The following GTSF1 variants were observed in gnomAD, a reference collection of about 807,000 sequenced individuals.
GTSF1 encodes the protein gametocyte-specific factor 1.
Under a neutral mutation model 28.9 loss-of-function variants are expected in GTSF1, and 11 were observed. The ratio of observed to expected loss-of-function variants is 0.38; its 90% CI spans 0.24 to 0.63. The LOEUF (loss-of-function observed/expected upper bound fraction) is 0.63. Among genes scored for constraint, GTSF1 ranks in the 30% least tolerant of loss-of-function variants. The pLI is 0.56. For missense variants in GTSF1, 146 were observed against 201.0 expected (o/e 0.73, Z 1.66); for synonymous variants, 69 against 65.6 (o/e 1.05, Z -0.25).
intron 8 of GTSF1, among the ~76,000 whole-genome samples, chr12:54,456,444 T>G (rs976998088): frequency 5.9e-5 from 9 of 152,364 alleles, no homozygotes; most frequent in Non-Finnish European, 8.8e-5. Context: ...AATTGATTCA[T>G]TCATGCAATT....
rs1956403042 is a variant in GTSF1 at position 54,460,362 on chromosome 12, C to T, written c.487+15G>A. On this transcript the variant is annotated intron_variant, in intron 7 of 8. Transcript: ENST00000305879. ...AATGAAAAGAGTAAAACTATTTTGT[C>T]TCTATTTCACTTACTGTTTTTCCAT... is the stretch of plus-strand genomic sequence containing the variant. The T allele has an allele frequency of 6.4e-7, 1 of 1,565,692 alleles. No homozygotes were observed. The highest frequency in any genetic ancestry group is 8.8e-7 in the Non-Finnish European group (1 of 1,136,078).
chr12:54,462,017 G>T, intron 6 of GTSF1, 92 bp downstream of exon 6: 1 of 859,714 alleles, frequency 1.2e-6, no homozygotes, highest in Non-Finnish European at 1.9e-6. Context: ...CATCGTTAAA[G>T]AAAGTGGTCA....
chr12:54,470,406 T>C (rs1343874334), intron 2 of GTSF1, among the ~76,000 whole-genome samples: 1 of 152,228 alleles, frequency 6.6e-6, no homozygotes, highest in Non-Finnish European at 1.5e-5. Flanking sequence ...GTGTTCTAGA[T>C]ATTTAATAAA....
intron 7 of GTSF1, among the ~76,000 whole-genome samples, chr12:54,460,018 G>A (rs1438913066): frequency 1.6e-5 from 2 of 122,112 alleles, no homozygotes; most frequent in African/African-American, 7.0e-5. Flanking sequence ...GAGCCACCGC[G>A]CCCGGCCTGA....
At chr12:54,464,612 G>A (rs1956480641) in intron 3 of GTSF1, 2 of 152,620 alleles carry the variant, frequency 1.3e-5, no homozygotes, top group South Asian at 4.1e-4. Context: ...GATGTTTACT[G>A]TTGAAACTTG....
At chr12:54,464,205 T>C (rs1265881580) in intron 3 of GTSF1, among the ~76,000 whole-genome samples, 11 of 152,184 alleles carry the variant, frequency 7.2e-5, no homozygotes, top group African/African-American at 2.7e-4. Context: ...GGAATTATGA[T>C]AGTGTCTTTT....
intron 8 of GTSF1, among the ~76,000 whole-genome samples, chr12:54,458,331 C>T (rs781222346): frequency 4.4e-4 from 67 of 152,056 alleles, no homozygotes; most frequent in Non-Finnish European, 8.1e-4. Context: ...CAGATAAGAT[C>T]GACAGTGTAA....
At chr12:54,457,060 G>A (rs937296650) in intron 8 of GTSF1, among the ~76,000 whole-genome samples, 1 of 152,190 alleles carries the variant, frequency 6.6e-6, no homozygotes, top group Admixed American at 6.5e-5. Flanking sequence ...ACTCCAGCCT[G>A]TGTGACAGGA....
chr12:54,471,228 C>T lies in GTSF1; in HGVS notation c.16+5G>A. On this transcript the variant is annotated splice_donor_5th_base_variant and intron_variant, in intron 2 of 8. Transcript: ENST00000305879. ...TATTTTCTAAAAGCAACAAGGAGTA[C>T]ATACTGTAAGTTTCTTCCATGTTGG... is the stretch of plus-strand genomic sequence containing the variant. The T allele has an allele frequency of 1.3e-6, 2 of 1,588,050 alleles. No individual in the cohort carries two copies. Among genetic ancestry groups the T allele is most frequent in the Non-Finnish European group, 1.7e-6 (2 of 1,168,724 alleles).
At chr12:54,465,216 A>G (rs1408939201) in intron 2 of GTSF1, 49 bp from the exon 3 acceptor site, 3 of 1,226,186 alleles carry the variant, frequency 2.4e-6, no homozygotes, top group Non-Finnish European at 3.6e-6. Flanking sequence ...AGGCCCTTGT[A>G]AAACTACAGC....
At chr12:54,468,465 T>C (rs954686617) in intron 2 of GTSF1, among the ~76,000 whole-genome samples, 5 of 152,308 alleles carry the variant, frequency 3.3e-5, no homozygotes, top group Non-Finnish European at 5.9e-5. Flanking sequence ...GAGTATTGCA[T>C]TGAAGTGTCT....
At chr12:54,468,451 C>G (rs189337385) in intron 2 of GTSF1, among the ~76,000 whole-genome samples, 19 of 152,262 alleles carry the variant, frequency 1.2e-4, no homozygotes, top group Admixed American at 8.5e-4. Flanking sequence ...GGATAAACAC[C>G]TAAGAGTATT....
At chr12:54,471,141 G>A (rs1956588592) in intron 2 of GTSF1, 92 bp downstream of exon 2, 8 of 989,030 alleles carry the variant, frequency 8.1e-6, no homozygotes, top group South Asian at 4.5e-5. Context: ...TGAGAAGTCC[G>A]ACTTCTTCCC....
intron 2 of GTSF1, among the ~76,000 whole-genome samples, chr12:54,465,749 G>A (rs1285097418): frequency 2.6e-5 from 4 of 152,042 alleles, no homozygotes; most frequent in Admixed American, 6.6e-5. Flanking sequence ...CATGAAAAAA[G>A]TTGGTAAGCA....
chr12:54,460,543 A>C, intron 6 of GTSF1, 72 bp from the exon 7 acceptor site: 1 of 1,021,218 alleles, frequency 9.8e-7, no homozygotes, highest in Non-Finnish European at 1.5e-6. Flanking sequence ...GATAATCAAA[A>C]TGTGTTTTTT....
chr12:54,459,387 T>C lies in GTSF1; in HGVS notation c.488-262A>G, dbSNP rs988972218. On this transcript the variant is annotated intron_variant, in intron 7 of 8. Coordinates refer to ENST00000305879, the MANE Select transcript of GTSF1 (RefSeq NM_144594.3). ...GTATCCAGGGAGAAACGTTTTAAAG[T>C]GAATCCTCTAGCCACCTAAAAATTA... The C allele has an allele frequency of 8.6e-6, 12 of 1,392,870 alleles. No homozygotes were observed. The African/African-American group carries it at 1.4e-4, about 17-fold the overall frequency. The allele number at this position is 1,392,870 out of a possible 1,614,324, so 86.3% of individuals were successfully genotyped here.
chr12:54,467,904 G>A (rs1209931204), intron 2 of GTSF1, among the ~76,000 whole-genome samples: 1 of 151,660 alleles, frequency 6.6e-6, no homozygotes, highest in Non-Finnish European at 1.5e-5. Context: ...CTCCCAAATA[G>A]CTGGGATTAC....
intron 7 of GTSF1, 84 bp from the exon 8 acceptor site, chr12:54,459,209 T>C (rs1369735679): frequency 2.0e-6 from 3 of 1,488,888 alleles, no homozygotes; most frequent in South Asian, 1.2e-5. Flanking sequence ...CACAAATGAC[T>C]TATTCCTGTG....
intron 2 of GTSF1, among the ~76,000 whole-genome samples, chr12:54,469,203 C>T (rs1476402596): frequency 1.3e-5 from 2 of 151,952 alleles, no homozygotes; most frequent in South Asian, 2.1e-4. Flanking sequence ...CTCAGCCTCC[C>T]GAGTAGCTGG....
Sources: gnomAD v4.1 joint callset for allele counts (sites outside exome capture counted in the v4.1 genomes callset) on GRCh38, gnomAD v4.1.1 for gene constraint, MANE v1.5 for transcripts, NCBI Gene and HGNC (gene_info 2026-07-23, HGNC 2026-07-21) for gene names.